Variants in SYCP2 observed in about 807,000 individuals in gnomAD.
SYCP2 encodes the protein synaptonemal complex lateral element protein.
Under a neutral mutation model 211.3 loss-of-function variants are expected in SYCP2, and 55 were observed. The observed-to-expected ratio is 0.26, with a 90% CI of 0.21 to 0.33. SYCP2 has a LOEUF of 0.33. Among genes scored for constraint, SYCP2 ranks in the 10% least tolerant of loss-of-function variants. The pLI is 1.00. For synonymous variants in SYCP2, 570 were observed against 555.2 expected, an observed-to-expected ratio of 1.03 and a Z score of -0.37; for missense variants, 1,731 against 1,752.0, an observed-to-expected ratio of 0.99 and a Z score of 0.21.
At chr20:59,885,247 A>T (rs2059763175) in intron 26 of SYCP2, 1 of 152,136 alleles carries the variant, frequency 6.6e-6, no homozygotes, top group African/African-American at 2.4e-5. Flanking sequence ...AGGTTTCTGA[A>T]CAAGTAAGTG....
intron 16 of SYCP2, 121 bp from the exon 17 acceptor site, chr20:59,900,939 C>G (rs750103542): frequency 4.4e-5 from 32 of 726,194 alleles, no homozygotes; most frequent in Non-Finnish European, 6.8e-5. Flanking sequence ...TGCCAAATAT[C>G]CCAAATTATT....
chr20:59,893,270 T>A (rs2059943433), intron 21 of SYCP2, 71 bp from the exon 22 acceptor site: 1 of 1,041,834 alleles, frequency 9.6e-7, no homozygotes, highest in South Asian at 1.5e-5. Flanking sequence ...GAGGTTAGTA[T>A]AGAAATCTAT....
At chr20:59,909,598 A>C (rs1398469781) in intron 14 of SYCP2, among the ~76,000 whole-genome samples, 1 of 152,180 alleles carries the variant, frequency 6.6e-6, no homozygotes, top group Non-Finnish European at 1.5e-5. Flanking sequence ...TTCTCAATAG[A>C]TATTCATTGA....
At position 59,903,425 on chromosome 20, in the gene SYCP2, G is replaced by C. The variant is rs145833571; in HGVS notation, c.1034-1615C>G. Among the ~76,000 whole-genome samples the C allele has an allele frequency of 1.8e-3, 278 of 152,176 alleles. 2 individuals carry two copies. Among genetic ancestry groups the C allele is most frequent in the African/African-American group, 6.5e-3 (271 of 41,534 alleles). Reference sequence around the variant, plus strand: ...AAAAAGATAGCTTCAGGAAGACATAGGATAAAAGTAGGCTTTTTGTTTTAT... The same window carrying C: ...AAAAAGATAGCTTCAGGAAGACATACGATAAAAGTAGGCTTTTTGTTTTAT... On this transcript the variant is annotated intron_variant, in intron 15 of 44. Transcript: ENST00000357552.
At chr20:59,905,343 A>C (rs556681128) in intron 15 of SYCP2, among the ~76,000 whole-genome samples, 11 of 152,324 alleles carry the variant, frequency 7.2e-5, no homozygotes, top group African/African-American at 2.6e-4. Flanking sequence ...TAATAGCTAA[A>C]AACTGGGAAC....
chr20:59,925,709 CT>C (rs972385914), intron 2 of SYCP2, among the ~76,000 whole-genome samples: 11 of 152,020 alleles, frequency 7.2e-5, no homozygotes, highest in African/African-American at 2.7e-4. Context: ...TAATTGACAT[CT>C]TTGATTCCTA....
At chr20:59,890,544 T>TAATA (rs1259573682) in intron 24 of SYCP2, among the ~76,000 whole-genome samples, 6 of 151,962 alleles carry the variant, frequency 3.9e-5, no homozygotes, top group South Asian at 4.2e-4. Context: ...ACTTAAAGTA[T>TAATA]AATAAATAAA....
intron 38 of SYCP2, 122 bp downstream of exon 38, chr20:59,868,291 T>A: frequency 2.1e-6 from 2 of 945,180 alleles, no homozygotes; most frequent in Non-Finnish European, 3.2e-6. Flanking sequence ...CAATAAAGCA[T>A]CATCCATCTT....
intron 1 of SYCP2, 47 bp from the exon 2 acceptor site, chr20:59,932,201 A>G (rs2060761367): frequency 6.6e-6 from 1 of 152,170 alleles, no homozygotes; most frequent in Non-Finnish European, 1.5e-5. Flanking sequence ...AACAAAGAAA[A>G]CAATTTGGCA....
At chr20:59,912,808 C>A (rs144557833) in intron 12 of SYCP2, among the ~76,000 whole-genome samples, 1 of 152,134 alleles carries the variant, frequency 6.6e-6, no homozygotes, top group Admixed American at 6.6e-5. Context: ...ACTGTTCTTG[C>A]GGTAGTGAGT....
Position 59,882,018 on chromosome 20 carries a change from G to T in SYCP2, c.2601-16C>A. On this transcript the variant is annotated splice_polypyrimidine_tract_variant and intron_variant, in intron 27 of 44. Transcript: ENST00000357552. Reference sequence around the variant, plus strand: ...AACATCATTCCTGTGAAAATGAAGAGCAATATTAGCTCCACTTAAATATGT... The same window carrying T: ...AACATCATTCCTGTGAAAATGAAGATCAATATTAGCTCCACTTAAATATGT... 1.9e-6 allele frequency: 3 copies of T among 1,611,044 alleles called. No homozygotes were observed. In the East Asian group the frequency reaches 6.7e-5, roughly 36 times the overall value.
intron 35 of SYCP2, 64 bp from the exon 36 acceptor site, chr20:59,870,047 C>G: frequency 9.3e-7 from 1 of 1,070,626 alleles, no homozygotes; most frequent in Non-Finnish European, 1.3e-6. Context: ...CCCCCCACTT[C>G]AAAAAGAGTT....
chr20:59,893,433 CA>C, intron 21 of SYCP2, 90 bp downstream of exon 21: 1 of 871,998 alleles, frequency 1.1e-6, no homozygotes, highest in East Asian at 2.7e-5. Flanking sequence ...TTTTTCAAAT[CA>C]ATGAAAGCCA....
Position 59,880,321 on chromosome 20 carries a change from G to A in SYCP2, c.2923C>T (p.His975Tyr), listed in dbSNP as rs1360335692. ...DYSRNKNVKN[H>Y]KSGKSRSSLE... ...TTCTTACTTGATTTTCCACTTTTAT[G>A]ATTCTTCACATTTTTATTTCTGCTA... The change falls in exon 31 of 45, where the codon CAT (histidine) becomes TAT (tyrosine). Residue 975 changes from histidine to tyrosine, a missense_variant. Coordinates refer to ENST00000357552, the MANE Select transcript of SYCP2 (RefSeq NM_014258.4). The A allele has an allele frequency of 6.3e-7, 1 of 1,584,674 alleles. No homozygotes were observed. Among genetic ancestry groups the A allele is most frequent in the Non-Finnish European group, 8.6e-7 (1 of 1,163,664 alleles).
intron 39 of SYCP2, 74 bp downstream of exon 39, chr20:59,867,637 G>A (rs567581438): frequency 9.1e-6 from 12 of 1,321,324 alleles, no homozygotes; most frequent in African/African-American, 7.6e-5. Context: ...GATCAAACAA[G>A]CCAATGGTCT....
intron 35 of SYCP2, 126 bp from the exon 36 acceptor site, chr20:59,870,109 A>C: frequency 1.7e-6 from 1 of 575,756 alleles, no homozygotes; most frequent in South Asian, 3.2e-5. Flanking sequence ...TCACTGCAAA[A>C]ATTCAATTCC....
chr20:59,919,485 AT>A lies in SYCP2; in HGVS notation c.402+7del. ...TATAAATATCAGTGTAATCAATGTG[AT>A]TTTTACCAGCAGAAGATCAACTAAG... is the stretch of plus-strand genomic sequence containing the variant. On this transcript the variant is annotated splice_region_variant and intron_variant, in intron 6 of 44. Coordinates refer to ENST00000357552, the MANE Select transcript of SYCP2 (RefSeq NM_014258.4). 2 of 1,545,862 alleles carry A rather than the reference AT, an allele frequency of 1.3e-6. No homozygotes were observed. Among genetic ancestry groups the A allele is most frequent in the Admixed American group, 1.7e-5 (1 of 58,130 alleles).
chr20:59,879,850 TATATATATATATACACACAC>T (rs2059638304), intron 31 of SYCP2, among the ~76,000 whole-genome samples: 1 of 99,138 alleles, frequency 1.0e-5, no homozygotes, highest in East Asian at 2.8e-4. Context: ...TATATATATA[TATATATATATATACACACAC>T]ACACACACAA....
intron 2 of SYCP2, among the ~76,000 whole-genome samples, chr20:59,925,796 AGG>A: frequency 6.6e-6 from 1 of 152,192 alleles, no homozygotes; most frequent in East Asian, 1.9e-4. Context: ...AAATGCATGT[AGG>A]TACTATAATT....
Sources: gnomAD v4.1 joint callset for allele counts (sites outside exome capture counted in the v4.1 genomes callset) on GRCh38, gnomAD v4.1.1 for gene constraint, MANE v1.5 for transcripts, NCBI Gene and HGNC (gene_info 2026-07-23, HGNC 2026-07-21) for gene names.